Variants in AGBL1 observed in about 807,000 individuals in gnomAD.
AGBL1 encodes AGBL carboxypeptidase 1, also known as cytosolic carboxypeptidase 4.
A neutral mutation model predicts 118.9 loss-of-function variants in AGBL1; 130 were observed. That is an observed-to-expected ratio of 1.09 (90% CI 0.95 to 1.26). AGBL1 has a LOEUF of 1.26. AGBL1 is among the 50% of genes most tolerant of loss of function. The pLI, the probability that AGBL1 is intolerant of heterozygous loss-of-function variation, is 0.00. For synonymous variants in AGBL1, 555 were observed against 478.9 expected, an observed-to-expected ratio of 1.16 and a Z score of -2.08; for missense variants, 1,584 against 1,298.1, an observed-to-expected ratio of 1.22 and a Z score of -3.38.
At chr15:86,275,988 G>A (rs2079244562) in intron 15 of AGBL1, among the ~76,000 whole-genome samples, 1 of 152,126 alleles carries the variant, frequency 6.6e-6, no homozygotes, top group African/African-American at 2.4e-5. Flanking sequence ...AATAACATGA[G>A]ATAAAACACG....
At chr15:87,009,073 G>A (rs1270900880) in intron 24 of AGBL1, among the ~76,000 whole-genome samples, 1 of 152,184 alleles carries the variant, frequency 6.6e-6, no homozygotes, top group African/African-American at 2.4e-5. Context: ...ACAAGGAGCT[G>A]AATATTAATC....
At chr15:86,697,164 T>G (rs2086277738) in intron 22 of AGBL1, among the ~76,000 whole-genome samples, 1 of 151,970 alleles carries the variant, frequency 6.6e-6, no homozygotes, top group Non-Finnish European at 1.5e-5. Context: ...CCAGGGAAGT[T>G]TTCCTCAATT....
intron 5 of AGBL1, among the ~76,000 whole-genome samples, chr15:86,213,619 G>A (rs377694555): frequency 1.6e-4 from 24 of 152,212 alleles, no homozygotes; most frequent in African/African-American, 5.8e-4. Flanking sequence ...TCTATGTCCT[G>A]CCAAGTGAGG....
chr15:86,750,612 A>G (rs1204682425), intron 22 of AGBL1, among the ~76,000 whole-genome samples: 1 of 152,132 alleles, frequency 6.6e-6, no homozygotes, highest in African/African-American at 2.4e-5. Context: ...ATTGCTTATA[A>G]GAATGATATG....
At chr15:86,903,104 G>A (rs1049366051) in intron 22 of AGBL1, among the ~76,000 whole-genome samples, 9 of 151,722 alleles carry the variant, frequency 5.9e-5, no homozygotes, top group South Asian at 2.1e-4. Context: ...CTATTTTCAC[G>A]TTTTTGTTCA....
At chr15:86,994,869 A>T (rs775952157) in intron 24 of AGBL1, among the ~76,000 whole-genome samples, 4 of 152,236 alleles carry the variant, frequency 2.6e-5, no homozygotes, top group Non-Finnish European at 4.4e-5. Context: ...TGGTCGAAAG[A>T]AACAGATACT....
intron 5 of AGBL1, among the ~76,000 whole-genome samples, chr15:86,176,642 A>C (rs1371907912): frequency 6.6e-6 from 1 of 152,246 alleles, no homozygotes; most frequent in East Asian, 1.9e-4. Flanking sequence ...TGGATGTGGA[A>C]ATTCAGGGGC....
intron 21 of AGBL1, among the ~76,000 whole-genome samples, chr15:86,566,112 C>CG (rs11419703): frequency 0.61 from 92,406 of 151,924 alleles, 28,994 homozygotes; most frequent in East Asian, 0.91. Flanking sequence ...CTTTGGCTCA[C>CG]CTCGTTGGGC....
chr15:86,696,923 G>C (rs886256723), intron 22 of AGBL1, among the ~76,000 whole-genome samples: 3 of 151,810 alleles, frequency 2.0e-5, no homozygotes, highest in Admixed American at 1.3e-4. Flanking sequence ...CTGAAGATAG[G>C]GCCCCAATCC....
At chr15:86,825,043 T>A (rs943842474) in intron 22 of AGBL1, among the ~76,000 whole-genome samples, 2 of 151,612 alleles carry the variant, frequency 1.3e-5, no homozygotes, top group African/African-American at 4.9e-5. Context: ...GGTGACAGAG[T>A]GAGACTCTGT....
intron 22 of AGBL1, among the ~76,000 whole-genome samples, chr15:86,800,693 G>C (rs1005474637): frequency 6.6e-6 from 1 of 152,148 alleles, no homozygotes; most frequent in Non-Finnish European, 1.5e-5. Flanking sequence ...ATGCTAGCAA[G>C]CAACCACCAC....
intron 23 of AGBL1, among the ~76,000 whole-genome samples, chr15:86,964,405 A>G (rs1038172941): frequency 7.3e-5 from 11 of 151,650 alleles, no homozygotes; most frequent in Non-Finnish European, 1.5e-4. Context: ...ACCCACCACT[A>G]CCCCCACTGT....
At chr15:86,760,286 G>A (rs1161390815) in intron 22 of AGBL1, among the ~76,000 whole-genome samples, 1 of 152,058 alleles carries the variant, frequency 6.6e-6, no homozygotes, top group Admixed American at 6.6e-5. Flanking sequence ...ACGTTAGGGT[G>A]TCTTCCATAA....
chr15:86,969,647 G>A (rs1396677682), intron 23 of AGBL1, among the ~76,000 whole-genome samples: 1 of 152,002 alleles, frequency 6.6e-6, no homozygotes, highest in Non-Finnish European at 1.5e-5. Flanking sequence ...GTATTCATGT[G>A]TTGGTATATG....
chr15:86,435,662 A>G (rs1442060835), intron 18 of AGBL1, among the ~76,000 whole-genome samples: 4 of 152,192 alleles, frequency 2.6e-5, no homozygotes, highest in Non-Finnish European at 4.4e-5. Flanking sequence ...AGTGTAGTAT[A>G]TAGGTGAAGC....
intron 17 of AGBL1, among the ~76,000 whole-genome samples, chr15:86,377,721 TG>T (rs1365352277): frequency 6.6e-6 from 1 of 152,148 alleles, no homozygotes; most frequent in Non-Finnish European, 1.5e-5. Flanking sequence ...CTCGTCCAGG[TG>T]GGGGCTGCCA....
intron 6 of AGBL1, among the ~76,000 whole-genome samples, chr15:86,243,092 A>T (rs1300448246): frequency 2.6e-5 from 4 of 152,196 alleles, no homozygotes; most frequent in African/African-American, 9.6e-5. Context: ...CCTTGACAAC[A>T]CTGTGTGGCT....
At chr15:86,366,804 TG>T (rs2080894081) in intron 17 of AGBL1, among the ~76,000 whole-genome samples, 1 of 152,138 alleles carries the variant, frequency 6.6e-6, no homozygotes, top group Non-Finnish European at 1.5e-5. Flanking sequence ...TATATGATCT[TG>T]GGGGGAAAAA....
intron 17 of AGBL1, among the ~76,000 whole-genome samples, chr15:86,306,958 T>G (rs1361824524): frequency 6.6e-6 from 1 of 152,228 alleles, no homozygotes; most frequent in East Asian, 1.9e-4. Flanking sequence ...GCCATTTGTA[T>G]GTCTTCTTTT....
Sources: allele counts gnomAD v4.1 joint callset (sites outside exome capture counted in the v4.1 genomes callset), GRCh38; gene constraint gnomAD v4.1.1; transcripts MANE v1.5; gene names NCBI Gene and HGNC (gene_info 2026-07-23, HGNC 2026-07-21).